The following SMC2 variants were observed in gnomAD, a reference collection of about 807,000 sequenced individuals.
SMC2 encodes structural maintenance of chromosomes 2, also known as structural maintenance of chromosomes protein 2.
SMC2 carries 41 observed loss-of-function variants against 142.6 expected under a neutral mutation model. That is an observed-to-expected ratio of 0.29 (90% CI 0.22 to 0.37). The LOEUF (loss-of-function observed/expected upper bound fraction) is 0.37. Ranked by LOEUF, SMC2 falls within the 10% of genes least tolerant of loss-of-function variation. The pLI, the probability that SMC2 is intolerant of heterozygous loss-of-function variation, is 1.00. For synonymous variants in SMC2, 463 were observed against 457.5 expected, an observed-to-expected ratio of 1.01 and a Z score of -0.15; for missense variants, 1,265 against 1,373.7, an observed-to-expected ratio of 0.92 and a Z score of 1.25.
chr9:104,123,138 G>C lies in SMC2; in HGVS notation c.2163G>C (p.Met721Ile). 6.2e-7 allele frequency: 1 copy of C among 1,611,850 alleles called. No homozygotes were observed. The highest frequency in any genetic ancestry group is 8.5e-7 in the Non-Finnish European group (1 of 1,178,892). Reference protein sequence around the residue: ...KYRQLKQQWEMKTEEADLLQT... With the variant: ...KYRQLKQQWEIKTEEADLLQT... ...GCCAACTAAAACAGCAGTGGGAGATGAAAACTGAAGAGGCAGATTTATTAC... is the reference window on the plus strand; with the variant it reads ...GCCAACTAAAACAGCAGTGGGAGATCAAAACTGAAGAGGCAGATTTATTAC... The change falls in exon 17 of 25, where the codon ATG becomes ATC. Residue 721 changes from methionine (M) to isoleucine (I), a missense_variant. Coordinates refer to ENST00000374793, the MANE Select transcript of SMC2 (RefSeq NM_006444.3).
At chr9:104,135,530 G>GCACCATGTTTTCCAGATTTGATGA (rs1835434813) in intron 23 of SMC2, among the ~76,000 whole-genome samples, 1 of 152,116 alleles carries the variant, frequency 6.6e-6, no homozygotes, top group Non-Finnish European at 1.5e-5. Flanking sequence ...AGAAATCATG[G>GCACCATGTTTTCCAGATTTGATGA]CACCATGTTT....
At chr9:104,124,882 T>C in intron 17 of SMC2, 30 bp from the exon 18 acceptor site, 1 of 1,539,492 alleles carries the variant, frequency 6.5e-7, no homozygotes, top group East Asian at 2.3e-5. Context: ...CATTGTTAAC[T>C]TAGCCACATT....
intron 1 of SMC2, 59 bp from the exon 2 acceptor site, chr9:104,095,265 G>T: frequency 1.3e-6 from 1 of 777,200 alleles, no homozygotes. Flanking sequence ...TTTGCCTCGT[G>T]TTCATTATGA....
At chr9:104,089,639 C>T (rs1044520004), upstream of SMC2, among the ~76,000 whole-genome samples, 3 of 152,112 alleles carry the variant, frequency 2.0e-5, no homozygotes, top group Admixed American at 1.3e-4. Context: ...ATAGAACTTA[C>T]TTCATGAGTA....
chr9:104,130,433 G>A (rs1834830548), intron 21 of SMC2, among the ~76,000 whole-genome samples: 1 of 152,044 alleles, frequency 6.6e-6, no homozygotes, highest in South Asian at 2.1e-4. Context: ...CATAAGAAAT[G>A]GCTATCTTAG....
intron 7 of SMC2, 54 bp from the exon 8 acceptor site, chr9:104,101,906 A>T (rs967122146): frequency 2.3e-5 from 25 of 1,086,544 alleles, no homozygotes; most frequent in African/African-American, 4.8e-5. Flanking sequence ...GCATAATTGA[A>T]TTTTTTTTTT....
Position 104,120,118 on chromosome 9 carries a change from G to A in SMC2, c.2088G>A (p.Arg696=), listed in dbSNP as rs768689398. 5 of 1,613,668 alleles carry A rather than the reference G, an allele frequency of 3.1e-6. No homozygotes were observed. Among genetic ancestry groups the A allele is most frequent in the East Asian group, 4.5e-5 (2 of 44,852 alleles). The change falls in exon 16 of 25, where the codon CGG becomes CGA. Residue 696 remains arginine (R), a synonymous_variant. Transcript: ENST00000374793. ...TGAGAATCAAAGAGAATGAGCTGCG[G>A]GCTCTAGAAGAGGAATTAGCAGGTC... ...DELRIKENEL[R]ALEEELAGLK...
chr9:104,129,334 C>G (rs111432927), intron 20 of SMC2, among the ~76,000 whole-genome samples: 8,617 of 152,048 alleles, frequency 0.057, 658 homozygotes, highest in African/African-American at 0.18. Flanking sequence ...GAAACCCCGT[C>G]TCTACTAAAA....
chr9:104,099,272 G>A (rs1830844626), intron 4 of SMC2, among the ~76,000 whole-genome samples: 1 of 151,878 alleles, frequency 6.6e-6, no homozygotes, highest in Non-Finnish European at 1.5e-5. Flanking sequence ...TATCCTGGAG[G>A]GTTATCATTC....
chr9:104,120,321 T>C (rs1383607797), intron 16 of SMC2, among the ~76,000 whole-genome samples, 159 bp downstream of exon 16: 4 of 152,240 alleles, frequency 2.6e-5, no homozygotes, highest in African/African-American at 9.6e-5. Context: ...TTACCATTTA[T>C]CCATTTTTTT....
At chr9:104,110,102 G>C (rs1832257683) in intron 9 of SMC2, among the ~76,000 whole-genome samples, 3 of 152,188 alleles carry the variant, frequency 2.0e-5, no homozygotes, top group South Asian at 4.1e-4. Context: ...TCAGTAGAAA[G>C]TGATCTCTTG....
Position 104,116,244 on chromosome 9 carries a change from A to C in SMC2, c.1716A>C (p.Arg572=). The C allele has an allele frequency of 1.2e-6, 2 of 1,608,402 alleles. No individual in the cohort carries two copies. The highest frequency in any genetic ancestry group is 1.7e-6 in the Non-Finnish European group (2 of 1,177,780). ...KLLERGELKR[R]YTIIPLNKIS... is the part of the protein sequence containing the mutation. The stretch of plus-strand genomic sequence containing the variant: ...TAGAAAGGGGGGAACTGAAACGTCG[A>C]TACACTATAATTCCACTCAATAAAA... Residue 572 remains arginine (R), a synonymous_variant, in exon 14 of 25, where the codon CGA becomes CGC. Transcript: ENST00000374793.
At chr9:104,132,220 T>C (rs1437789725) in intron 22 of SMC2, 95 bp downstream of exon 22, 2 of 711,724 alleles carry the variant, frequency 2.8e-6, no homozygotes, top group Non-Finnish European at 4.9e-6. Flanking sequence ...AGCTGATCTA[T>C]GTTTGAATGA....
At chr9:104,138,937 A>G (rs991415219) in intron 24 of SMC2, among the ~76,000 whole-genome samples, 2 of 152,152 alleles carry the variant, frequency 1.3e-5, no homozygotes, top group Admixed American at 1.3e-4. Flanking sequence ...ACCAGGAAAT[A>G]GTAAAATTGG....
chr9:104,126,608 T>C (rs771723386), intron 18 of SMC2, 33 bp from the exon 19 acceptor site: 7 of 1,549,886 alleles, frequency 4.5e-6, no homozygotes, highest in Non-Finnish European at 4.4e-6. Flanking sequence ...GTTAATAACC[T>C]ATATGAATAC....
At chr9:104,110,263 G>A (rs911006121) in intron 9 of SMC2, among the ~76,000 whole-genome samples, 7 of 152,168 alleles carry the variant, frequency 4.6e-5, no homozygotes, top group Admixed American at 2.0e-4. Flanking sequence ...GCTTGATAAT[G>A]TACCATAGAT....
At position 104,139,516 on chromosome 9, in the gene SMC2, G is replaced by A. The variant is rs1835888910; in HGVS notation, c.*201G>A. 1 of 420,906 alleles carries A rather than the reference G, an allele frequency of 2.4e-6. No individual in the cohort carries two copies. The highest frequency in any genetic ancestry group is 2.1e-5 in the African/African-American group (1 of 47,976). The allele number at this position is 420,906 out of a possible 1,614,324, so 26.1% of individuals were successfully genotyped here. A position where few individuals can be genotyped will look rare whatever the true frequency, so the allele number is the denominator to read the frequency against. On this transcript the variant is annotated 3_prime_UTR_variant, in exon 25 of 25. Coordinates refer to ENST00000374793, the MANE Select transcript of SMC2 (RefSeq NM_006444.3). ...CTAGTCTAATTATGGTCCAATTATT[G>A]TGGTTGTGATTTTATGCATATCATC...
intron 15 of SMC2, among the ~76,000 whole-genome samples, chr9:104,119,483 G>A (rs1015420140): frequency 3.9e-5 from 6 of 152,136 alleles, no homozygotes; most frequent in Non-Finnish European, 8.8e-5. Context: ...TGCTGTATCA[G>A]AACTTAGGTC....
In SMC2 at chr9:104,102,413, T is replaced by C. The variant is rs1197308559; in HGVS notation, c.871-11T>C. On this transcript the variant is annotated splice_polypyrimidine_tract_variant and intron_variant, in intron 8 of 24. Coordinates refer to ENST00000374793, the MANE Select transcript of SMC2 (RefSeq NM_006444.3). ...TACATAAGTGATTGAATTGACTGCA[T>C]TTTGTTATAGGAAACTGGAGGTATA... 11 of 1,587,302 alleles carry C rather than the reference T, an allele frequency of 6.9e-6. No homozygotes were observed. Among genetic ancestry groups the C allele is most frequent in the African/African-American group, 2.7e-5 (2 of 73,440 alleles).
Sources: gnomAD v4.1 joint callset for allele counts (sites outside exome capture counted in the v4.1 genomes callset) on GRCh38, gnomAD v4.1.1 for gene constraint, MANE v1.5 for transcripts, NCBI Gene and HGNC (gene_info 2026-07-23, HGNC 2026-07-21) for gene names.